The following RABGAP1L variants were observed in gnomAD, a reference collection of about 807,000 sequenced individuals.
RABGAP1L encodes the protein RAB GTPase activating protein 1 like.
RABGAP1L carries 63 observed loss-of-function variants against 137.7 expected under a neutral mutation model. The ratio of observed to expected loss-of-function variants is 0.46; its 90% CI spans 0.37 to 0.56. The LOEUF is 0.56. RABGAP1L is among the 20% of genes least tolerant of loss of function. The pLI, the probability that RABGAP1L is intolerant of heterozygous loss-of-function variation, is 0.00. For synonymous variants in RABGAP1L, 431 were observed against 433.7 expected (o/e 0.99, Z 0.08); for missense variants, 1,095 against 1,244.0 (o/e 0.88, Z 1.80).
intron 1 of RABGAP1L, among the ~76,000 whole-genome samples, chr1:174,181,295 T>C (rs1666333274): frequency 6.6e-6 from 1 of 152,064 alleles, no homozygotes; most frequent in Non-Finnish European, 1.5e-5. Flanking sequence ...CATGTGCCAC[T>C]GTGCCTAGCT....
chr1:174,504,853 A>G (rs1247708784), intron 13 of RABGAP1L, among the ~76,000 whole-genome samples: 39 of 152,222 alleles, frequency 2.6e-4, no homozygotes, highest in Admixed American at 2.4e-3. Flanking sequence ...CAAGCAACAG[A>G]AGCAAAGGTA....
chr1:174,819,072 A>G (rs1020019044), intron 19 of RABGAP1L, among the ~76,000 whole-genome samples: 2 of 149,964 alleles, frequency 1.3e-5, no homozygotes, highest in African/African-American at 4.9e-5. Context: ...AGTCCTAGCT[A>G]CTTGATTGGC....
At chr1:174,394,961 T>A (rs77585179) in intron 13 of RABGAP1L, among the ~76,000 whole-genome samples, 15 of 145,928 alleles carry the variant, frequency 1.0e-4, no homozygotes, top group African/African-American at 3.3e-4. Context: ...TTTTTTTTTT[T>A]AATTTAACTT....
At chr1:174,288,588 C>G (rs1005111237) in intron 10 of RABGAP1L, among the ~76,000 whole-genome samples, 6 of 152,136 alleles carry the variant, frequency 3.9e-5, no homozygotes, top group Non-Finnish European at 8.8e-5. Context: ...CTTACAAGGG[C>G]TCTTTTGTAT....
chr1:174,481,095 C>T (rs141513631), intron 13 of RABGAP1L, among the ~76,000 whole-genome samples: 1 of 152,300 alleles, frequency 6.6e-6, no homozygotes, highest in East Asian at 1.9e-4. Flanking sequence ...TCTGTCCTCT[C>T]AAACTTTTTT....
chr1:174,706,430 A>G (rs1373206534), intron 17 of RABGAP1L, among the ~76,000 whole-genome samples: 1 of 152,128 alleles, frequency 6.6e-6, no homozygotes, highest in African/African-American at 2.4e-5. Flanking sequence ...TGAAATGAAA[A>G]TCATTTTTAA....
chr1:174,925,114 C>G (rs1662496560), intron 19 of RABGAP1L, among the ~76,000 whole-genome samples: 1 of 151,964 alleles, frequency 6.6e-6, no homozygotes, highest in Non-Finnish European at 1.5e-5. Flanking sequence ...GCCTGTAATC[C>G]CAGCACTTTG....
chr1:174,549,976 G>A (rs986291624), intron 13 of RABGAP1L, among the ~76,000 whole-genome samples: 2 of 151,996 alleles, frequency 1.3e-5, no homozygotes, highest in Admixed American at 1.3e-4. Context: ...AGGCTGCAGT[G>A]CACTGTGATC....
At chr1:174,636,018 G>C (rs995610887) in intron 13 of RABGAP1L, among the ~76,000 whole-genome samples, 2 of 152,052 alleles carry the variant, frequency 1.3e-5, no homozygotes, top group Admixed American at 1.3e-4. Flanking sequence ...CTTTTAATTT[G>C]CAATTAGTAG....
At chr1:174,679,450 G>T (rs1197097609) in intron 14 of RABGAP1L, among the ~76,000 whole-genome samples, 1 of 152,202 alleles carries the variant, frequency 6.6e-6, no homozygotes, top group African/African-American at 2.4e-5. Flanking sequence ...GATATCTATG[G>T]AAAATCTGTA....
intron 5 of RABGAP1L, chr1:174,245,541 G>A (rs978515361): frequency 6.6e-6 from 1 of 152,084 alleles, no homozygotes; most frequent in Admixed American, 6.5e-5. Context: ...TCCTTCCCAT[G>A]AATAATGTAT....
At chr1:174,291,485 A>C (rs190711396) in intron 10 of RABGAP1L, among the ~76,000 whole-genome samples, 1 of 152,132 alleles carries the variant, frequency 6.6e-6, no homozygotes, top group East Asian at 1.9e-4. Flanking sequence ...ATGAGTTGGA[A>C]ATTGTTTCTT....
At chr1:174,957,680 T>A in intron 20 of RABGAP1L, 131 bp downstream of exon 20, 1 of 946,728 alleles carries the variant, frequency 1.1e-6, no homozygotes, top group Non-Finnish European at 1.7e-6. Flanking sequence ...GTCTCCCAAG[T>A]AGCTGGGATT....
chr1:174,431,835 T>A (rs191097654), intron 13 of RABGAP1L, among the ~76,000 whole-genome samples: 1 of 152,240 alleles, frequency 6.6e-6, no homozygotes, highest in African/African-American at 2.4e-5. Flanking sequence ...TATGTCAGAA[T>A]TCTTGGTTTA....
chr1:174,610,241 T>C (rs1299086185), intron 13 of RABGAP1L, among the ~76,000 whole-genome samples: 1 of 133,254 alleles, frequency 7.5e-6, no homozygotes, highest in African/African-American at 2.8e-5. Context: ...GAGTGTGATG[T>C]TCCCCTTCCT....
Position 174,284,687 on chromosome 1 carries a change from A to G in RABGAP1L, c.1323+5908A>G, listed in dbSNP as rs538779880. Among the ~76,000 whole-genome samples the G allele has an allele frequency of 8.5e-5, 12 of 141,786 alleles. No individual in the cohort carries two copies. The South Asian group carries it at 2.7e-3, about 32-fold the overall frequency. 93.0% of individuals were successfully genotyped at this position (141,786 alleles called of 152,430 possible). A position where few individuals can be genotyped will look rare whatever the true frequency, so the allele number is the denominator to read the frequency against. ...GGCTATACCAGTTTACATTCCTACCATCAGTGTGCAAGGGTTCTGTTCTCA... is the reference window on the plus strand; with the variant it reads ...GGCTATACCAGTTTACATTCCTACCGTCAGTGTGCAAGGGTTCTGTTCTCA... On this transcript the variant is annotated intron_variant, in intron 10 of 25. Coordinates refer to ENST00000681986, the MANE Select transcript of RABGAP1L (RefSeq NM_001366446.1).
intron 13 of RABGAP1L, among the ~76,000 whole-genome samples, chr1:174,610,825 A>G (rs527484664): frequency 1.3e-5 from 2 of 152,126 alleles, no homozygotes; most frequent in South Asian, 4.1e-4. Flanking sequence ...GCATTTTTTC[A>G]TGTGTTTTTT....
chr1:174,316,471 T>C (rs1679384799), intron 11 of RABGAP1L, among the ~76,000 whole-genome samples: 1 of 152,248 alleles, frequency 6.6e-6, no homozygotes, highest in Non-Finnish European at 1.5e-5. Flanking sequence ...CCAGTAATGC[T>C]GTGGTTCTTG....
At chr1:174,376,401 C>T (rs182837115) in intron 12 of RABGAP1L, among the ~76,000 whole-genome samples, 4 of 152,212 alleles carry the variant, frequency 2.6e-5, no homozygotes, top group South Asian at 2.1e-4. Flanking sequence ...AAATTGCAGA[C>T]GAGTGTCCCT....
Sources: gnomAD v4.1 joint callset for allele counts (sites outside exome capture counted in the v4.1 genomes callset) on GRCh38, gnomAD v4.1.1 for gene constraint, MANE v1.5 for transcripts, NCBI Gene and HGNC (gene_info 2026-07-23, HGNC 2026-07-21) for gene names.